The following MBD5 variants were observed in gnomAD, a reference collection of about 807,000 sequenced individuals.
MBD5 encodes the protein methyl-CpG binding domain protein 5.
In MBD5, 13 loss-of-function variants were observed where a neutral mutation model predicts 117.3. The observed-to-expected ratio is 0.11, with a 90% CI of 0.07 to 0.18. The LOEUF is 0.18. Among genes scored for constraint, MBD5 ranks in the 10% least tolerant of loss-of-function variants. MBD5 has a pLI of 1.00. For synonymous variants in MBD5, 727 were observed against 766.4 expected, an observed-to-expected ratio of 0.95 and a Z score of 0.85; for missense variants, 1,879 against 2,093.8, an observed-to-expected ratio of 0.90 and a Z score of 2.00.
chr2:148,309,269 A>G (rs1043067762), intron 3 of MBD5, among the ~76,000 whole-genome samples: 12 of 152,152 alleles, frequency 7.9e-5, no homozygotes, highest in African/African-American at 2.9e-4. Context: ...CACGATATTG[A>G]TTCTTCCTAT....
Position 148,165,362 on chromosome 2 carries a change from T to G in MBD5, c.-924-13338T>G, listed in dbSNP as rs186450025. Among the ~76,000 whole-genome samples, 56 of 152,212 alleles carry G rather than the reference T, an allele frequency of 3.7e-4. No homozygotes were observed. In the Middle Eastern group the frequency reaches 0.017, roughly 47 times the overall value. On this transcript the variant is annotated intron_variant, in intron 1 of 13. Coordinates refer to ENST00000642680, the MANE Select transcript of MBD5 (RefSeq NM_001378120.1). ...CCTGAACCACATGAAATTACCAATA[T>G]TTGACCTTTTTACCAATAAAAAGGA...
chr2:148,476,656 C>A (rs1213590518), intron 8 of MBD5, among the ~76,000 whole-genome samples: 2 of 152,022 alleles, frequency 1.3e-5, no homozygotes, highest in African/African-American at 2.4e-5. Context: ...GATGTTGCAC[C>A]CCACTAATAG....
At chr2:148,154,636 G>A (rs1001100329) in intron 1 of MBD5, among the ~76,000 whole-genome samples, 6 of 152,230 alleles carry the variant, frequency 3.9e-5, no homozygotes, top group Non-Finnish European at 5.9e-5. Context: ...ATCTCATGGT[G>A]TGCCTTTTTT....
chr2:148,110,469 C>A (rs943079289), intron 1 of MBD5, among the ~76,000 whole-genome samples: 9 of 152,084 alleles, frequency 5.9e-5, no homozygotes, highest in African/African-American at 1.9e-4. Flanking sequence ...AAGACTGATA[C>A]CTTTCAGATT....
intron 4 of MBD5, among the ~76,000 whole-genome samples, chr2:148,423,870 TG>T (rs765402154): frequency 6.6e-6 from 1 of 151,540 alleles, no homozygotes; most frequent in African/African-American, 2.4e-5. Context: ...ACCAAGCAAA[TG>T]GAAAGCAATA....
At chr2:148,114,472 A>G (rs1045958218) in intron 1 of MBD5, among the ~76,000 whole-genome samples, 1 of 152,158 alleles carries the variant, frequency 6.6e-6, no homozygotes, top group Non-Finnish European at 1.5e-5. Context: ...TCCATCTCAA[A>G]AAAAAACCAG....
intron 1 of MBD5, among the ~76,000 whole-genome samples, chr2:148,085,432 AG>A (rs1695752170): frequency 6.6e-6 from 1 of 152,196 alleles, no homozygotes; most frequent in Non-Finnish European, 1.5e-5. Context: ...TGCTTTTAAA[AG>A]TTTTGGAGCG....
chr2:148,029,042 A>G (rs78327539), intron 1 of MBD5, among the ~76,000 whole-genome samples: 3,005 of 152,236 alleles, frequency 0.02, 48 homozygotes, highest in African/African-American at 0.045. Context: ...TCAAACTTCA[A>G]TTAAAGCTAC....
At chr2:148,207,056 G>T (rs1699300012) in intron 2 of MBD5, among the ~76,000 whole-genome samples, 2 of 152,138 alleles carry the variant, frequency 1.3e-5, no homozygotes, top group Non-Finnish European at 2.9e-5. Context: ...CTGCCTTAAA[G>T]AAACCATTTC....
At chr2:148,186,786 G>T (rs542758856) in intron 2 of MBD5, among the ~76,000 whole-genome samples, 1 of 152,108 alleles carries the variant, frequency 6.6e-6, no homozygotes, top group Non-Finnish European at 1.5e-5. Flanking sequence ...ACATGAAAAA[G>T]TAGGAAAATT....
chr2:148,257,428 G>A (rs140012856), intron 3 of MBD5, among the ~76,000 whole-genome samples: 20 of 152,304 alleles, frequency 1.3e-4, no homozygotes, highest in East Asian at 3.9e-4. Context: ...CAGCTGCTTC[G>A]TTGTGGTGGG....
chr2:148,189,453 C>T (rs1698774852), intron 2 of MBD5, among the ~76,000 whole-genome samples: 1 of 143,932 alleles, frequency 6.9e-6, no homozygotes, highest in Non-Finnish European at 1.5e-5. Context: ...TGACCCGTGA[C>T]CCCCGAGCAG....
chr2:148,316,411 A>G (rs1397266752), intron 3 of MBD5, among the ~76,000 whole-genome samples: 1 of 152,234 alleles, frequency 6.6e-6, no homozygotes, highest in African/African-American at 2.4e-5. Flanking sequence ...CATTGGGTAT[A>G]TAAGATGAAA....
At chr2:148,040,353 A>G (rs905689874) in intron 1 of MBD5, among the ~76,000 whole-genome samples, 3 of 152,034 alleles carry the variant, frequency 2.0e-5, no homozygotes, top group Non-Finnish European at 2.9e-5. Flanking sequence ...ATCCCTGCAA[A>G]AGTACCCTAC....
intron 4 of MBD5, among the ~76,000 whole-genome samples, chr2:148,376,134 G>A (rs1036533834): frequency 6.6e-6 from 1 of 151,606 alleles, no homozygotes; most frequent in African/African-American, 2.4e-5. Flanking sequence ...AGTTTCCAAG[G>A]TACTAGTTCT....
intron 3 of MBD5, among the ~76,000 whole-genome samples, chr2:148,280,146 A>AC (rs549405899): frequency 1.5e-4 from 22 of 150,636 alleles, no homozygotes; most frequent in African/African-American, 4.1e-4. Flanking sequence ...AAAAAAAAAA[A>AC]AAAACAAAAA....
intron 6 of MBD5, 21 bp from the exon 7 acceptor site, chr2:148,463,718 C>T: frequency 1.9e-6 from 3 of 1,612,824 alleles, no homozygotes; most frequent in South Asian, 1.1e-5. Flanking sequence ...ATATTCTAAA[C>T]AAAGGCTGTG....
chr2:148,371,859 A>G (rs1185086966), intron 4 of MBD5, among the ~76,000 whole-genome samples: 1 of 152,142 alleles, frequency 6.6e-6, no homozygotes, highest in Non-Finnish European at 1.5e-5. Flanking sequence ...AAAAACATCA[A>G]CATATTAAAG....
At chr2:148,511,976 G>A (rs1255622660) in intron 13 of MBD5, among the ~76,000 whole-genome samples, 1 of 152,166 alleles carries the variant, frequency 6.6e-6, no homozygotes, top group African/African-American at 2.4e-5. Flanking sequence ...TCTAAGTCCT[G>A]TGACATAAGG....
Sources: allele counts gnomAD v4.1 joint callset (sites outside exome capture counted in the v4.1 genomes callset), GRCh38; gene constraint gnomAD v4.1.1; transcripts MANE v1.5; gene names NCBI Gene and HGNC (gene_info 2026-07-23, HGNC 2026-07-21).